Variants in GALNT18 observed in about 807,000 individuals in gnomAD.
GALNT18 encodes the protein polypeptide N-acetylgalactosaminyltransferase 18, also known as GalNAc-transferase 18.
GALNT18 carries 44 observed loss-of-function variants against 69.5 expected under a neutral mutation model. The observed-to-expected ratio is 0.63, with a 90% CI of 0.50 to 0.81. The LOEUF is 0.81. Ranked by LOEUF, GALNT18 falls within the 40% of genes least tolerant of loss-of-function variation. GALNT18 has a pLI of 0.00. For synonymous variants in GALNT18, 364 were observed against 318.2 expected (o/e 1.14, Z -1.53); for missense variants, 715 against 810.0 (o/e 0.88, Z 1.42).
intron 1 of GALNT18, among the ~76,000 whole-genome samples, chr11:11,473,193 G>C (rs191914069): frequency 2.6e-5 from 4 of 152,202 alleles, no homozygotes; most frequent in African/African-American, 9.6e-5. Flanking sequence ...ACATTATTAA[G>C]TAAAATTAAA....
intron 3 of GALNT18, among the ~76,000 whole-genome samples, chr11:11,427,544 T>C (rs1312342955): frequency 1.3e-5 from 2 of 152,142 alleles, no homozygotes; most frequent in African/African-American, 4.8e-5. Context: ...CCTTCCATTG[T>C]GTTATCTCAT....
At chr11:11,568,557 G>T (rs1289986807) in intron 1 of GALNT18, among the ~76,000 whole-genome samples, 1 of 152,166 alleles carries the variant, frequency 6.6e-6, no homozygotes, top group Non-Finnish European at 1.5e-5. Context: ...GGAGATCTCA[G>T]AGTAAAAATC....
At position 11,382,903 on chromosome 11, in the gene GALNT18, G is replaced by A. The variant is rs1042118723; in HGVS notation, c.596-3639C>T. ...TGGAGAAAGAGGAGGCAGGGAGTCT[G>A]CTTGCTGTGACTCTGCCAGATCTAG... On this transcript the variant is annotated intron_variant, in intron 3 of 10. Coordinates refer to ENST00000227756, the MANE Select transcript of GALNT18 (RefSeq NM_198516.3). This position sits in a 1 kb window ranked among gnomAD's most constrained non-coding sequence, Gnocchi z 4.3. 6.6e-6 allele frequency among the ~76,000 whole-genome samples: 1 copy of A among 152,184 alleles called. No individual in the cohort carries two copies. The highest frequency in any genetic ancestry group is 1.5e-5 in the Non-Finnish European group (1 of 68,036).
At chr11:11,472,684 T>C (rs1856299112) in intron 1 of GALNT18, among the ~76,000 whole-genome samples, 1 of 152,208 alleles carries the variant, frequency 6.6e-6, no homozygotes, top group African/African-American at 2.4e-5. Context: ...CTATGCTATG[T>C]TTATAAAAAC....
Position 11,327,099 on chromosome 11 carries a change from C to G in GALNT18, c.1499G>C (p.Gly500Ala), listed in dbSNP as rs537570994. 32 of 1,613,090 alleles carry G rather than the reference C, an allele frequency of 2.0e-5. No homozygotes were observed. Among genetic ancestry groups the G allele is most frequent in the African/African-American group, 5.3e-5 (4 of 74,892 alleles). The change falls in exon 9 of 11, where the codon GGG becomes GCG. Residue 500 changes from glycine to alanine, a missense_variant. Coordinates refer to ENST00000227756, the MANE Select transcript of GALNT18 (RefSeq NM_198516.3). ...ENVPIMYICHGMTPQNVYYTS... is the reference protein window; with the variant it reads ...ENVPIMYICHAMTPQNVYYTS... ...TAGAGGACTCACCTGAGGCGTCATC[C>G]CATGGCAGATGTACATGATGGGGAC...
chr11:11,501,058 G>A lies in GALNT18; in HGVS notation c.236-52122C>T, dbSNP rs143497604. On this transcript the variant is annotated intron_variant, in intron 1 of 10. Transcript: ENST00000227756. The stretch of plus-strand genomic sequence containing the variant: ...CAAGCCTGGGCAGCACCTCTGAGAC[G>A]CCCTCTCGTTTCCACTCACAGAGAT... Among the ~76,000 whole-genome samples, 1,430 of 152,294 alleles carry A rather than the reference G, an allele frequency of 9.4e-3. 16 individuals are homozygous for A. Among genetic ancestry groups the A allele is most frequent in the Admixed American group, 0.02 (307 of 15,302 alleles).
rs1023079529 is a variant in GALNT18, at chr11:11,318,233, C to A, written c.1512+8853G>T. ...TGAACTGGGTTGGATTGTGTCACCC[C>A]AAAATTCATATGTTAAAGTCCTAAC... On this transcript the variant is annotated intron_variant, in intron 9 of 10. Coordinates refer to ENST00000227756, the MANE Select transcript of GALNT18 (RefSeq NM_198516.3). The surrounding 1 kb of genome is among the most constrained non-coding windows in gnomAD (Gnocchi z 5.1). Among the ~76,000 whole-genome samples the A allele has an allele frequency of 2.0e-5, 3 of 152,130 alleles. No individual in the cohort carries two copies. The highest frequency in any genetic ancestry group is 7.2e-5 in the African/African-American group (3 of 41,416).
intron 7 of GALNT18, among the ~76,000 whole-genome samples, chr11:11,333,267 T>C (rs975795659): frequency 6.6e-6 from 1 of 152,160 alleles, no homozygotes; most frequent in Non-Finnish European, 1.5e-5. Context: ...GTATTAATAA[T>C]ACTATTCCTA....
chr11:11,340,810 G>T lies in GALNT18; in HGVS notation c.1278+9C>A, dbSNP rs555837466. On this transcript the variant is annotated intron_variant, in intron 7 of 10. Coordinates refer to ENST00000227756, the MANE Select transcript of GALNT18 (RefSeq NM_198516.3). The surrounding 1 kb of genome is among the most constrained non-coding windows in gnomAD (Gnocchi z 4.2). Reference sequence around the variant, plus strand: ...CCCCGAGAAACTCATCCCTACCGGAGATCCCTACCTCCTGCGGTATGTTCC... The same window carrying T: ...CCCCGAGAAACTCATCCCTACCGGATATCCCTACCTCCTGCGGTATGTTCC... 1.1e-5 allele frequency: 17 copies of T among 1,593,858 alleles called. No homozygotes were observed. In the South Asian group the frequency reaches 1.8e-4, roughly 17 times the overall value.
intron 10 of GALNT18, among the ~76,000 whole-genome samples, chr11:11,280,528 C>G: frequency 6.6e-6 from 1 of 152,148 alleles, no homozygotes; most frequent in East Asian, 1.9e-4. Context: ...GCTTCCCCAG[C>G]GGCCTGCTGT....
intron 1 of GALNT18, among the ~76,000 whole-genome samples, chr11:11,611,704 C>T (rs1379405132): frequency 6.6e-6 from 1 of 152,180 alleles, no homozygotes; most frequent in Admixed American, 6.5e-5. Context: ...CACAGGAAAG[C>T]ACTCAGCCCG....
intron 10 of GALNT18, among the ~76,000 whole-genome samples, chr11:11,284,806 C>T (rs1262737565): frequency 7.1e-6 from 1 of 141,308 alleles, no homozygotes; most frequent in Non-Finnish European, 1.5e-5. Flanking sequence ...GACATTACAG[C>T]TAGTTAAAGA....
chr11:11,335,470 T>C (rs1850096198), intron 7 of GALNT18, among the ~76,000 whole-genome samples: 2 of 152,218 alleles, frequency 1.3e-5, no homozygotes, highest in African/African-American at 2.4e-5. Context: ...AAGGTCACCT[T>C]GGCCCTTATT....
At position 11,524,254 on chromosome 11, in the gene GALNT18, G is replaced by A. The variant is rs151222139; in HGVS notation, c.236-75318C>T. On this transcript the variant is annotated intron_variant, in intron 1 of 10. Transcript: ENST00000227756. ...AAAATGACACATGTCTAACAAATGA[G>A]GAAATTGGAGTTCTTCAAGATCCTT... Among the ~76,000 whole-genome samples, 504 of 152,178 alleles carry A rather than the reference G, an allele frequency of 3.3e-3. 6 individuals are homozygous for A. The highest frequency in any genetic ancestry group is 0.011 in the African/African-American group (467 of 41,512).
chr11:11,409,466 C>T (rs1051618653), intron 3 of GALNT18, among the ~76,000 whole-genome samples: 1 of 152,144 alleles, frequency 6.6e-6, no homozygotes, highest in Non-Finnish European at 1.5e-5. Flanking sequence ...TCCTGGGACT[C>T]GTCAGATCTC....
At chr11:11,369,701 A>G (rs1368937609) in intron 6 of GALNT18, among the ~76,000 whole-genome samples, 1 of 152,142 alleles carries the variant, frequency 6.6e-6, no homozygotes, top group Non-Finnish European at 1.5e-5. Flanking sequence ...TCATTTATAT[A>G]ATCTTTCTGT....
intron 3 of GALNT18, among the ~76,000 whole-genome samples, chr11:11,424,516 C>T (rs56150090): frequency 0.19 from 28,864 of 152,102 alleles, 3,631 homozygotes; most frequent in East Asian, 0.53. Context: ...GAGATCATGA[C>T]TATTCTTTTG....
intron 6 of GALNT18, among the ~76,000 whole-genome samples, chr11:11,355,355 C>T (rs1449122806): frequency 3.3e-5 from 5 of 152,154 alleles, no homozygotes; most frequent in Non-Finnish European, 2.9e-5. Flanking sequence ...AATTCATATG[C>T]TGAGGCTGTA....
chr11:11,613,842 T>C lies in GALNT18; in HGVS notation c.235+7517A>G, dbSNP rs1275864778. On this transcript the variant is annotated intron_variant, in intron 1 of 10. Coordinates refer to ENST00000227756, the MANE Select transcript of GALNT18 (RefSeq NM_198516.3). The surrounding 1 kb of genome is among the most constrained non-coding windows in gnomAD (Gnocchi z 4.2). The stretch of plus-strand genomic sequence containing the variant: ...CTCCTGACTTGAGTGTCATCCAACT[T>C]GTATGGCTTCTGCCCTTCCGCTTCA... Among the ~76,000 whole-genome samples the C allele has an allele frequency of 6.6e-6, 1 of 152,214 alleles. No homozygotes were observed. The highest frequency in any genetic ancestry group is 1.5e-5 in the Non-Finnish European group (1 of 68,040).
Sources: allele counts gnomAD v4.1 joint callset (sites outside exome capture counted in the v4.1 genomes callset), GRCh38; gene constraint gnomAD v4.1.1; non-coding constraint Gnocchi (gnomAD v3.1); transcripts MANE v1.5; gene names NCBI Gene and HGNC (gene_info 2026-07-23, HGNC 2026-07-21).